FYN: variants seen among roughly 807,000 people sequenced by gnomAD.
FYN encodes FYN proto-oncogene, Src family tyrosine kinase.
In FYN, 10 loss-of-function variants were observed where a neutral mutation model predicts 70.2. The observed-to-expected ratio is 0.14, with a 90% CI of 0.09 to 0.24. FYN has a LOEUF of 0.24. FYN is among the 10% of genes least tolerant of loss of function. The pLI, the probability that FYN is intolerant of heterozygous loss-of-function variation, is 1.00. For missense variants in FYN, 319 were observed against 673.1 expected (o/e 0.47, Z 5.82); for synonymous variants, 236 against 248.6 (o/e 0.95, Z 0.48).
At chr6:111,828,260 C>T (rs1189382584) in intron 2 of FYN, among the ~76,000 whole-genome samples, 2 of 152,162 alleles carry the variant, frequency 1.3e-5, no homozygotes, top group Non-Finnish European at 2.9e-5. Context: ...AACCCATGCT[C>T]TGTGGGATAC....
intron 4 of FYN, chr6:111,719,518 G>C (rs1800833402): frequency 1.1e-5 from 3 of 279,234 alleles, no homozygotes; most frequent in Non-Finnish European, 2.0e-5. Context: ...GTGAGGCTGA[G>C]AGTCATTGAC....
At chr6:111,763,047 C>T (rs1423235781) in intron 3 of FYN, among the ~76,000 whole-genome samples, 2 of 152,222 alleles carry the variant, frequency 1.3e-5, no homozygotes, top group Non-Finnish European at 2.9e-5. Flanking sequence ...CTTACCTCAA[C>T]TGATTTCAAC....
chr6:111,758,831 TACC>T (rs1802866734), intron 3 of FYN: 1 of 152,312 alleles, frequency 6.6e-6, no homozygotes, highest in Non-Finnish European at 1.5e-5. Flanking sequence ...AAGCTCCACT[TACC>T]ACCTCCAGAA....
rs528767901 is a variant in FYN at position 111,739,604 on chromosome 6, C to T, written c.-11-19542G>A. ...TTCTTATAATGGTTTCAGTTCCACT[C>T]CATCAGTTTTGAGGCAGGTTTCCTT... On this transcript the variant is annotated intron_variant, in intron 3 of 13. Transcript: ENST00000354650. Among the ~76,000 whole-genome samples, 19 of 152,310 alleles carry T rather than the reference C, an allele frequency of 1.2e-4. No homozygotes were observed. In the South Asian group the frequency reaches 3.3e-3, roughly 27 times the overall value.
At chr6:111,710,964 C>T (rs76917863) in intron 5 of FYN, among the ~76,000 whole-genome samples, 12 of 152,244 alleles carry the variant, frequency 7.9e-5, no homozygotes, top group African/African-American at 2.6e-4. Flanking sequence ...TAAAGCCTGG[C>T]GCTGGTTTAG....
At chr6:111,799,932 C>T (rs112004090) in intron 2 of FYN, among the ~76,000 whole-genome samples, 1 of 152,186 alleles carries the variant, frequency 6.6e-6, no homozygotes, top group Non-Finnish European at 1.5e-5. Context: ...GGACAAACCT[C>T]GCAGCTTCCC....
intron 2 of FYN, among the ~76,000 whole-genome samples, chr6:111,826,553 T>C (rs1224771702): frequency 6.6e-6 from 1 of 152,180 alleles, no homozygotes; most frequent in Non-Finnish European, 1.5e-5. Flanking sequence ...AGGAGAGATT[T>C]ATAGCCCCCA....
chr6:111,698,741 G>A (rs1342629806), intron 9 of FYN, among the ~76,000 whole-genome samples: 1 of 152,138 alleles, frequency 6.6e-6, no homozygotes, highest in Non-Finnish European at 1.5e-5. Flanking sequence ...CTATCTGCAA[G>A]GGACTTTAAA....
intron 13 of FYN, among the ~76,000 whole-genome samples, chr6:111,666,612 C>T (rs1323776586): frequency 1.3e-5 from 2 of 152,116 alleles, no homozygotes; most frequent in African/African-American, 2.4e-5. Flanking sequence ...GCAGGCAGAC[C>T]GCTTGAGCTC....
chr6:111,811,793 T>G (rs76071407), intron 2 of FYN, among the ~76,000 whole-genome samples: 3 of 152,188 alleles, frequency 2.0e-5, no homozygotes, highest in Non-Finnish European at 4.4e-5. Flanking sequence ...AAGGTATTGC[T>G]AGTCAGCTGT....
chr6:111,779,233 T>C (rs1304091902), intron 3 of FYN, among the ~76,000 whole-genome samples: 1 of 144,552 alleles, frequency 6.9e-6, no homozygotes, highest in Admixed American at 7.3e-5. Flanking sequence ...CCTACAGACA[T>C]CTGACCTTAA....
chr6:111,774,002 T>C (rs1803605940), intron 3 of FYN, among the ~76,000 whole-genome samples: 1 of 152,210 alleles, frequency 6.6e-6, no homozygotes, highest in African/African-American at 2.4e-5. Flanking sequence ...CAATTTGCTA[T>C]CACGATGGTT....
chr6:111,858,131 T>C (rs1379247191), intron 1 of FYN, among the ~76,000 whole-genome samples: 1 of 152,142 alleles, frequency 6.6e-6, no homozygotes, highest in Non-Finnish European at 1.5e-5. Context: ...CCACGCCATG[T>C]ACAGGTTTTG....
intron 3 of FYN, among the ~76,000 whole-genome samples, chr6:111,725,725 A>G (rs1801162053): frequency 6.6e-6 from 1 of 152,238 alleles, no homozygotes; most frequent in Non-Finnish European, 1.5e-5. Flanking sequence ...CTTTGCTGCC[A>G]ACTGGAGGGA....
At chr6:111,819,247 A>C (rs1772584339) in intron 2 of FYN, among the ~76,000 whole-genome samples, 1 of 152,222 alleles carries the variant, frequency 6.6e-6, no homozygotes, top group South Asian at 2.1e-4. Context: ...GTCTTCAAAA[A>C]GCCTTGTGAT....
intron 3 of FYN, among the ~76,000 whole-genome samples, chr6:111,762,350 C>T (rs1301505205): frequency 6.6e-6 from 1 of 151,940 alleles, no homozygotes; most frequent in Non-Finnish European, 1.5e-5. Flanking sequence ...AATTCTAAGC[C>T]CCCCAAGTGA....
chr6:111,828,978 T>C (rs1772924937), intron 2 of FYN, among the ~76,000 whole-genome samples: 2 of 152,204 alleles, frequency 1.3e-5, no homozygotes, highest in Admixed American at 6.5e-5. Context: ...AATGTTAATG[T>C]GCACAGGGAA....
intron 5 of FYN, among the ~76,000 whole-genome samples, chr6:111,709,934 G>T (rs1408475507): frequency 6.6e-6 from 1 of 152,158 alleles, no homozygotes; most frequent in Non-Finnish European, 1.5e-5. Context: ...ACAGTTGTAA[G>T]GATATCATCT....
chr6:111,705,185 A>T (rs759236834), intron 6 of FYN, among the ~76,000 whole-genome samples: 1 of 152,238 alleles, frequency 6.6e-6, no homozygotes, highest in Non-Finnish European at 1.5e-5. Flanking sequence ...CATTAAAAAA[A>T]GTCAGATTAG....
Sources: gnomAD v4.1 joint callset for allele counts (sites outside exome capture counted in the v4.1 genomes callset) on GRCh38, gnomAD v4.1.1 for gene constraint, MANE v1.5 for transcripts, NCBI Gene and HGNC (gene_info 2026-07-23, HGNC 2026-07-21) for gene names.